The following DGKB variants were observed in gnomAD, a reference collection of about 807,000 sequenced individuals.
The protein encoded by DGKB is 90 kDa diacylglycerol kinase.
In DGKB, 67 loss-of-function variants were observed where a neutral mutation model predicts 114.3. The observed-to-expected ratio is 0.59, with a 90% CI of 0.48 to 0.72. DGKB has a LOEUF of 0.72. Ranked by LOEUF, DGKB falls within the 30% of genes least tolerant of loss-of-function variation. The pLI, the probability that DGKB is intolerant of heterozygous loss-of-function variation, is 0.00. For missense variants in DGKB, 907 were observed against 975.2 expected (o/e 0.93, Z 0.93); for synonymous variants, 398 against 323.1 (o/e 1.23, Z -2.49).
chr7:14,892,186 G>C (rs748280211), intron 1 of DGKB, among the ~76,000 whole-genome samples: 1 of 151,326 alleles, frequency 6.6e-6, no homozygotes, highest in South Asian at 2.1e-4. Context: ...TTATCACTTA[G>C]TGTATCTCAT....
At chr7:14,924,076 T>TA (rs2128248263) in intron 1 of DGKB, among the ~76,000 whole-genome samples, 1 of 151,350 alleles carries the variant, frequency 6.6e-6, no homozygotes, top group Admixed American at 6.6e-5. Context: ...TCTTGATTAC[T>TA]AACTACCTGT....
chr7:14,281,592 A>G lies in DGKB; in HGVS notation c.2122+56923T>C, dbSNP rs554430169. ...AGCACCACACCACACCTATTCCAAA[A>G]TTGACCACATACTTGGAAGTAAAGC... is the stretch of plus-strand genomic sequence containing the variant. On this transcript the variant is annotated intron_variant, in intron 23 of 25. Coordinates refer to ENST00000402815, the MANE Select transcript of DGKB (RefSeq NM_001350709.2). 5.2e-3 allele frequency among the ~76,000 whole-genome samples: 769 copies of G among 147,578 alleles called. 13 individuals are homozygous for G. The highest frequency in any genetic ancestry group is 0.019 in the African/African-American group (715 of 38,474).
chr7:14,603,961 A>G (rs1375224751), intron 17 of DGKB, among the ~76,000 whole-genome samples: 1 of 152,156 alleles, frequency 6.6e-6, no homozygotes, highest in East Asian at 1.9e-4. Flanking sequence ...AGTCACATTA[A>G]CATGTGAAGT....
At chr7:14,965,629 T>C (rs935826668) in intron 1 of DGKB, among the ~76,000 whole-genome samples, 2 of 152,098 alleles carry the variant, frequency 1.3e-5, no homozygotes, top group Non-Finnish European at 2.9e-5. Flanking sequence ...CATTCATAAG[T>C]AAAATTATAA....
chr7:14,857,560 G>A (rs894655709), intron 1 of DGKB, among the ~76,000 whole-genome samples: 1 of 151,996 alleles, frequency 6.6e-6, no homozygotes, highest in African/African-American at 2.4e-5. Flanking sequence ...GTAATAGAAT[G>A]TTTATGAGAT....
chr7:14,688,249 AATT>A (rs1378779122), intron 9 of DGKB, among the ~76,000 whole-genome samples: 1 of 152,186 alleles, frequency 6.6e-6, no homozygotes, highest in Non-Finnish European at 1.5e-5. Flanking sequence ...CAAAAAAGGG[AATT>A]TATTTTTTAT....
At chr7:14,345,005 T>C (rs923167767) in intron 22 of DGKB, among the ~76,000 whole-genome samples, 3 of 151,740 alleles carry the variant, frequency 2.0e-5, no homozygotes, top group African/African-American at 7.2e-5. Context: ...CCAACTACTT[T>C]TATCTTACCT....
rs141711820 is a variant in DGKB, at chr7:14,183,582, T to C, written c.2123-5431A>G. Among the ~76,000 whole-genome samples, 905 of 152,324 alleles carry C rather than the reference T, an allele frequency of 5.9e-3. 7 individuals are homozygous for C. Among genetic ancestry groups the C allele is most frequent in the African/African-American group, 0.021 (858 of 41,580 alleles). ...AGCAGGCTCCCTGCTAAGGGATTTA[T>C]AGGCATTTTTCCATTTAAGACTCTC... On this transcript the variant is annotated intron_variant, in intron 23 of 25. Transcript: ENST00000402815.
At chr7:14,603,054 AG>A (rs796532897) in intron 17 of DGKB, among the ~76,000 whole-genome samples, 15 of 152,236 alleles carry the variant, frequency 9.9e-5, no homozygotes, top group African/African-American at 3.4e-4. Context: ...AATGACTCAA[AG>A]GGGGAAATTT....
At chr7:14,919,686 C>G (rs868352318) in intron 1 of DGKB, among the ~76,000 whole-genome samples, 20 of 152,162 alleles carry the variant, frequency 1.3e-4, no homozygotes, top group African/African-American at 1.9e-4. Context: ...GGGAAATGAG[C>G]TATTAAACGT....
At chr7:14,329,000 G>A (rs1809245409) in intron 23 of DGKB, among the ~76,000 whole-genome samples, 1 of 151,896 alleles carries the variant, frequency 6.6e-6, no homozygotes, top group Non-Finnish European at 1.5e-5. Context: ...AGTGTGGTGG[G>A]ACTCATGAAC....
intron 13 of DGKB, among the ~76,000 whole-genome samples, chr7:14,648,695 C>T: frequency 6.6e-6 from 1 of 151,320 alleles, no homozygotes; most frequent in African/African-American, 2.4e-5. Context: ...TCAAATTACT[C>T]TGAGCTACGG....
At chr7:14,581,785 A>T (rs555247727) in intron 18 of DGKB, among the ~76,000 whole-genome samples, 40 of 152,306 alleles carry the variant, frequency 2.6e-4, no homozygotes, top group Non-Finnish European at 5.6e-4. Context: ...TTGAGGGCTA[A>T]AACAAGCTAA....
At chr7:14,422,850 A>T (rs1318716378) in intron 21 of DGKB, among the ~76,000 whole-genome samples, 1 of 151,992 alleles carries the variant, frequency 6.6e-6, no homozygotes, top group Non-Finnish European at 1.5e-5. Context: ...ACTAACAGCA[A>T]ACATTCTTTT....
intron 2 of DGKB, among the ~76,000 whole-genome samples, chr7:14,791,067 G>T (rs974933708): frequency 6.6e-6 from 1 of 152,074 alleles, no homozygotes; most frequent in African/African-American, 2.4e-5. Context: ...CTATGCTAAA[G>T]CGATCCTCCT....
chr7:14,777,681 T>C (rs1838409287), intron 2 of DGKB, among the ~76,000 whole-genome samples: 1 of 152,158 alleles, frequency 6.6e-6, no homozygotes, highest in Non-Finnish European at 1.5e-5. Flanking sequence ...TAAATCTCTT[T>C]CCTTTATAAA....
chr7:14,387,881 CTTT>C (rs11448628), intron 21 of DGKB, among the ~76,000 whole-genome samples: 30 of 117,854 alleles, frequency 2.5e-4, no homozygotes, highest in Non-Finnish European at 3.0e-4. Flanking sequence ...GTGTCCTTTT[CTTT>C]TTTTTTTTTT....
intron 1 of DGKB, among the ~76,000 whole-genome samples, chr7:14,931,970 G>A (rs1045885633): frequency 5.9e-5 from 9 of 152,154 alleles, no homozygotes; most frequent in Non-Finnish European, 8.8e-5. Context: ...TACTACCTGA[G>A]TTTCTCCAAC....
intron 20 of DGKB, among the ~76,000 whole-genome samples, chr7:14,515,688 G>A (rs1217764283): frequency 2.0e-5 from 3 of 152,110 alleles, no homozygotes; most frequent in African/African-American, 7.2e-5. Flanking sequence ...TCAACCTTCT[G>A]TCTTTGTCAT....
Sources: gnomAD v4.1 joint callset for allele counts (sites outside exome capture counted in the v4.1 genomes callset) on GRCh38, gnomAD v4.1.1 for gene constraint, MANE v1.5 for transcripts, NCBI Gene and HGNC (gene_info 2026-07-23, HGNC 2026-07-21) for gene names.